GFRA2: variants seen among roughly 807,000 people sequenced by gnomAD.
GFRA2 encodes GDNF family receptor alpha 2.
Under a neutral mutation model 48.3 loss-of-function variants are expected in GFRA2, and 17 were observed. That is an observed-to-expected ratio of 0.35 (90% CI 0.24 to 0.53). The LOEUF is 0.53. GFRA2 is among the 20% of genes least tolerant of loss of function. The pLI is 0.93. For synonymous variants in GFRA2, 305 were observed against 257.2 expected, an observed-to-expected ratio of 1.19 and a Z score of -1.78; for missense variants, 660 against 637.3, an observed-to-expected ratio of 1.04 and a Z score of -0.38.
chr8:21,698,243 A>C (rs1432746042), intron 7 of GFRA2, among the ~76,000 whole-genome samples: 1 of 152,206 alleles, frequency 6.6e-6, no homozygotes, highest in Non-Finnish European at 1.5e-5. Flanking sequence ...CTGTGGGAAG[A>C]GCTGACCCCT....
intron 4 of GFRA2, among the ~76,000 whole-genome samples, chr8:21,734,884 T>C (rs2117516347): frequency 6.6e-6 from 1 of 152,342 alleles, no homozygotes; most frequent in South Asian, 2.1e-4. Context: ...AAATTCAAGC[T>C]GGGAACTGCC....
chr8:21,785,342 C>T (rs1054294152), intron 1 of GFRA2, among the ~76,000 whole-genome samples: 3 of 152,160 alleles, frequency 2.0e-5, no homozygotes, highest in African/African-American at 7.2e-5. Flanking sequence ...TGCGAAGGGC[C>T]GGGGCATCCA....
chr8:21,804,719 C>T (rs1807828915), intron 2 of GFRA2, among the ~76,000 whole-genome samples: 1 of 152,176 alleles, frequency 6.6e-6, no homozygotes, highest in Admixed American at 6.5e-5. Flanking sequence ...GCAGCGACAT[C>T]AATAAGTTCC....
intron 4 of GFRA2, among the ~76,000 whole-genome samples, chr8:21,724,197 C>CCTGA (rs1199824063): frequency 6.6e-6 from 1 of 152,078 alleles, no homozygotes; most frequent in African/African-American, 2.4e-5. Context: ...AGCAGCAGAG[C>CCTGA]CTGACAGTAT....
At chr8:21,810,634 A>G (rs1437917172) in intron 1 of GFRA2, among the ~76,000 whole-genome samples, 1 of 152,186 alleles carries the variant, frequency 6.6e-6, no homozygotes, top group Non-Finnish European at 1.5e-5. Context: ...GGCCTAGGAT[A>G]TGCCATCATG....
At chr8:21,792,210 C>T (rs1350886995), upstream of GFRA2, among the ~76,000 whole-genome samples, 1 of 152,206 alleles carries the variant, frequency 6.6e-6, no homozygotes, top group African/African-American at 2.4e-5. Context: ...GAGGGCGTTG[C>T]AGCCCCACCC....
chr8:21,703,264 G>T (rs1432408804), intron 6 of GFRA2, among the ~76,000 whole-genome samples: 6 of 152,112 alleles, frequency 3.9e-5, no homozygotes, highest in African/African-American at 1.2e-4. Context: ...GAAAAAGAAG[G>T]GGGTGGGATG....
At chr8:21,761,183 T>C (rs1805891482) in intron 3 of GFRA2, among the ~76,000 whole-genome samples, 1 of 152,180 alleles carries the variant, frequency 6.6e-6, no homozygotes, top group African/African-American at 2.4e-5. Context: ...ACCTCCACAC[T>C]TCACGTTGGA....
At chr8:21,810,431 T>C (rs1237244493) in intron 1 of GFRA2, among the ~76,000 whole-genome samples, 3 of 152,230 alleles carry the variant, frequency 2.0e-5, no homozygotes, top group African/African-American at 7.2e-5. Flanking sequence ...GAGTCCTTCC[T>C]GGGCTTTTGC....
chr8:21,790,292 T>C (rs1229847633), upstream of GFRA2, among the ~76,000 whole-genome samples: 1 of 152,166 alleles, frequency 6.6e-6, no homozygotes, highest in African/African-American at 2.4e-5. Flanking sequence ...GCACACACGG[T>C]GTCCTGGGGT....
chr8:21,776,555 C>CT (rs1278696575), intron 2 of GFRA2, among the ~76,000 whole-genome samples: 1 of 151,288 alleles, frequency 6.6e-6, no homozygotes, highest in Non-Finnish European at 1.5e-5. Context: ...GCTGCAACCT[C>CT]TATCTCCTGG....
chr8:21,706,083 A>G (rs1242480439), intron 4 of GFRA2, 42 bp from the exon 5 acceptor site: 1 of 1,284,296 alleles, frequency 7.8e-7, no homozygotes, highest in Non-Finnish European at 1.1e-6. Flanking sequence ...ACAGGGGTTC[A>G]GTCTAGCTGC....
intron 8 of GFRA2, 83 bp downstream of exon 8, chr8:21,694,381 G>T: frequency 7.6e-7 from 1 of 1,318,434 alleles, no homozygotes; most frequent in Non-Finnish European, 1.1e-6. Flanking sequence ...ATTTGAGGGC[G>T]CTGGATCTGA....
At chr8:21,717,135 T>C (rs1252905601) in intron 4 of GFRA2, among the ~76,000 whole-genome samples, 2 of 152,250 alleles carry the variant, frequency 1.3e-5, no homozygotes, top group African/African-American at 2.4e-5. Flanking sequence ...TCCCAAGTTA[T>C]ACAAGAATCA....
chr8:21,707,185 G>A (rs758236867), intron 4 of GFRA2, among the ~76,000 whole-genome samples: 2 of 152,208 alleles, frequency 1.3e-5, no homozygotes, highest in Non-Finnish European at 2.9e-5. Context: ...ATTCTATGGT[G>A]ACTCGACAAG....
At chr8:21,745,605 A>G (rs1804966984) in intron 4 of GFRA2, among the ~76,000 whole-genome samples, 1 of 152,200 alleles carries the variant, frequency 6.6e-6, no homozygotes, top group Non-Finnish European at 1.5e-5. Flanking sequence ...AAGTCAAACC[A>G]GGGAAAGGAG....
chr8:21,748,884 G>C (rs1188620863), intron 4 of GFRA2, among the ~76,000 whole-genome samples: 1 of 152,104 alleles, frequency 6.6e-6, no homozygotes, highest in Non-Finnish European at 1.5e-5. Context: ...CCAGAGCCCA[G>C]GCCCTCTCCC....
chr8:21,780,571 G>A (rs1396373018), intron 2 of GFRA2, among the ~76,000 whole-genome samples: 1 of 151,944 alleles, frequency 6.6e-6, no homozygotes, highest in Non-Finnish European at 1.5e-5. Context: ...CCTCAGTCTC[G>A]CTCAGACCCA....
intron 1 of GFRA2, among the ~76,000 whole-genome samples, chr8:21,809,118 T>C (rs1435739537): frequency 1.3e-5 from 2 of 152,154 alleles, no homozygotes; most frequent in East Asian, 1.9e-4. Flanking sequence ...AGAGGCCAAG[T>C]GTCAGCCCAA....
Sources: gnomAD v4.1 joint callset for allele counts (sites outside exome capture counted in the v4.1 genomes callset) on GRCh38, gnomAD v4.1.1 for gene constraint, MANE v1.5 for transcripts, NCBI Gene and HGNC (gene_info 2026-07-23, HGNC 2026-07-21) for gene names.